CUL4A: variants seen among roughly 807,000 people sequenced by gnomAD.
CUL4A encodes the protein cullin 4A.
CUL4A carries 16 observed loss-of-function variants against 95.5 expected under a neutral mutation model. That is an observed-to-expected ratio of 0.17 (90% CI 0.11 to 0.25). CUL4A has a LOEUF of 0.25. CUL4A is among the 10% of genes least tolerant of loss of function. The pLI is 1.00. For synonymous variants in CUL4A, 380 were observed against 353.1 expected (o/e 1.08, Z -0.85); for missense variants, 610 against 937.0 (o/e 0.65, Z 4.56).
intron 5 of CUL4A, chr13:113,229,944 C>G (rs924014140): frequency 5.1e-6 from 2 of 395,860 alleles, no homozygotes; most frequent in Admixed American, 4.3e-5. Context: ...GAGCACATAG[C>G]ACTCATCGTC....
Position 113,209,636 on chromosome 13 carries a change from C to T in CUL4A, c.9C>T (p.Asp3=), listed in dbSNP as rs1381335388. Reference sequence around the variant, plus strand: ...GCGGTTCCGGCCCAGCCATGGCGGACGAGGCCCCGCGGAAGGGCAGCTTCT... The same window carrying T: ...GCGGTTCCGGCCCAGCCATGGCGGATGAGGCCCCGCGGAAGGGCAGCTTCT... The part of the protein sequence containing the change: MA[D]EAPRKGSFSA... The change falls in exon 1 of 20, where the codon GAC becomes GAT. Residue 3 remains aspartate (D), a synonymous_variant. Coordinates refer to ENST00000375440, the MANE Select transcript of CUL4A (RefSeq NM_001008895.4). The T allele has an allele frequency of 5.3e-5, 58 of 1,088,428 alleles. 1 individual carries two copies. The highest frequency in any genetic ancestry group is 6.3e-5 in the Non-Finnish European group (57 of 898,174). 67.4% of individuals were successfully genotyped at this position (1,088,428 alleles called of 1,614,324 possible).
rs761690889 is a variant in CUL4A, at chr13:113,210,080, C to G, written c.256C>G (p.Leu86Val). 1.2e-5 allele frequency: 18 copies of G among 1,504,594 alleles called. No homozygotes were observed. The highest frequency in any genetic ancestry group is 1.1e-4 in the Admixed American group (5 of 44,770). 93.2% of individuals were successfully genotyped at this position (1,504,594 alleles called of 1,614,324 possible). ...CTCCATCAGGTACAACCTCGAGGAG[C>G]TCTACCAGGTGAGGCGGCGGCCGGG... ...STSIRYNLEE[L>V]YQAVENLCSH... is the part of the protein sequence containing the mutation. The change falls in exon 2 of 20, where the codon CTC becomes GTC. Residue 86 changes from leucine (L) to valine (V), a missense_variant. Leu to Val is a conservative substitution (Grantham distance 32). Transcript: ENST00000375440.
At chr13:113,242,216 G>C (rs959616881) in intron 10 of CUL4A, among the ~76,000 whole-genome samples, 1 of 151,338 alleles carries the variant, frequency 6.6e-6, no homozygotes, top group African/African-American at 2.4e-5. Context: ...AGTGAGCCGA[G>C]ATCACGCCAC....
intron 15 of CUL4A, among the ~76,000 whole-genome samples, chr13:113,252,581 C>T (rs963635272): frequency 6.6e-6 from 1 of 152,200 alleles, no homozygotes; most frequent in Non-Finnish European, 1.5e-5. Flanking sequence ...ACAACTAACT[C>T]GTGCTGCACT....
intron 5 of CUL4A, among the ~76,000 whole-genome samples, chr13:113,232,655 G>C (rs1171706680): frequency 6.6e-6 from 1 of 152,186 alleles, no homozygotes; most frequent in Non-Finnish European, 1.5e-5. Flanking sequence ...GATGAACTCT[G>C]AAAGCTGTGC....
chr13:113,242,985 C>T lies in CUL4A; in HGVS notation c.1053C>T (p.Ile351=), dbSNP rs146783617. 9.5e-5 allele frequency: 152 copies of T among 1,606,742 alleles called. No homozygotes were observed. The African/African-American group carries it at 1.7e-3, about 18-fold the overall frequency. Residue 351 remains isoleucine (I), a synonymous_variant, in exon 11 of 20, where the codon ATC becomes ATT. Transcript: ENST00000375440. ...TTTTGTAGACTTTTGGAACAGCGAT[C>T]GTAATCAATCCTGAGAAAGACAAAG... ...SEYIKTFGTA[I]VINPEKDKDM... is the part of the protein sequence containing the mutation.
At position 113,263,506 on chromosome 13, in the gene CUL4A, G is replaced by A; in HGVS notation, c.2204G>A (p.Arg735Lys). The change falls in exon 20 of 20, where the codon AGA becomes AAA. Residue 735 changes from arginine to lysine, a missense_variant. Physicochemically the swap from Arg to Lys is conservative, Grantham distance 26. This residue lies in a region of CUL4A where 31 missense variants were observed against 40.3 expected (regional missense o/e 0.77). Coordinates refer to ENST00000375440, the MANE Select transcript of CUL4A (RefSeq NM_001008895.4). Reference protein sequence around the residue: ...FPVKPGDLKKRIESLIDRDYM... With the variant: ...FPVKPGDLKKKIESLIDRDYM... ...TTTTAGCCTGGAGATTTGAAAAAGAGAATTGAATCTCTGATAGACAGAGAC... is the reference window on the plus strand; with the variant it reads ...TTTTAGCCTGGAGATTTGAAAAAGAAAATTGAATCTCTGATAGACAGAGAC... 1 of 1,603,506 alleles carries A rather than the reference G, an allele frequency of 6.2e-7. No homozygotes were observed. Among genetic ancestry groups the A allele is most frequent in the Non-Finnish European group, 8.5e-7 (1 of 1,175,672 alleles).
intron 3 of CUL4A, 66 bp from the exon 4 acceptor site, chr13:113,227,907 CAAA>C (rs34413442): frequency 1.5e-3 from 1,179 of 784,916 alleles, no homozygotes; most frequent in South Asian, 2.5e-3. Flanking sequence ...GACTCCATCT[CAAA>C]AAAAAAAAAA....
intron 18 of CUL4A, among the ~76,000 whole-genome samples, chr13:113,256,386 AT>A (rs1426258486): frequency 6.6e-6 from 1 of 152,056 alleles, no homozygotes; most frequent in African/African-American, 2.4e-5. Context: ...TGGCACAGAC[AT>A]TTCTGTGCAC....
At chr13:113,249,963 A>G (rs1359798421) in intron 15 of CUL4A, among the ~76,000 whole-genome samples, 2 of 152,172 alleles carry the variant, frequency 1.3e-5, no homozygotes, top group Non-Finnish European at 2.9e-5. Flanking sequence ...TTATTAAGCT[A>G]TAAGAGCTCT....
chr13:113,258,147 G>A (rs982813995), intron 18 of CUL4A, among the ~76,000 whole-genome samples: 1 of 151,972 alleles, frequency 6.6e-6, no homozygotes, highest in African/African-American at 2.4e-5. Context: ...ATGCCACCAC[G>A]CCCAGCTAAA....
rs1199142782 is a variant in CUL4A at position 113,249,740 on chromosome 13, C to G, written c.1639-3342C>G. Reference sequence around the variant, plus strand: ...CCAGTTAGCAATCACGAGAGCTTCCCACCTTCTCACCTACACCTGTGATCT... The same window carrying G: ...CCAGTTAGCAATCACGAGAGCTTCCGACCTTCTCACCTACACCTGTGATCT... On this transcript the variant is annotated intron_variant, in intron 15 of 19. Transcript: ENST00000375440. Among the ~76,000 whole-genome samples the G allele has an allele frequency of 3.9e-5, 6 of 152,288 alleles. No individual in the cohort carries two copies. In the South Asian group the frequency reaches 1.0e-3, roughly 26 times the overall value.
At chr13:113,254,902 G>A in intron 17 of CUL4A, 51 bp from the exon 18 acceptor site, 1 of 1,603,158 alleles carries the variant, frequency 6.2e-7, no homozygotes, top group Non-Finnish European at 8.5e-7. Flanking sequence ...TACTGTTGTT[G>A]AGTCTCATTC....
At chr13:113,243,669 A>G (rs966010210) in intron 11 of CUL4A, among the ~76,000 whole-genome samples, 1 of 151,960 alleles carries the variant, frequency 6.6e-6, no homozygotes, top group African/African-American at 2.4e-5. Flanking sequence ...ATTACTGCTG[A>G]AGATGTAAGA....
chr13:113,220,796 G>A (rs1201684836), intron 3 of CUL4A, among the ~76,000 whole-genome samples: 1 of 152,156 alleles, frequency 6.6e-6, no homozygotes, highest in Non-Finnish European at 1.5e-5. Context: ...CACTGGCACC[G>A]CAAAATGGAA....
At chr13:113,241,299 G>A (rs2041702604) in intron 10 of CUL4A, among the ~76,000 whole-genome samples, 1 of 152,152 alleles carries the variant, frequency 6.6e-6, no homozygotes, top group South Asian at 2.1e-4. Context: ...ACCCCTGAGT[G>A]TCAGCAATAA....
At chr13:113,239,214 A>G (rs2041634007) in intron 9 of CUL4A, among the ~76,000 whole-genome samples, 1 of 152,184 alleles carries the variant, frequency 6.6e-6, no homozygotes, top group East Asian at 1.9e-4. Flanking sequence ...GAAGTAAATA[A>G]TACATCTTCC....
chr13:113,250,642 G>A (rs1400496315), intron 15 of CUL4A, among the ~76,000 whole-genome samples: 2 of 152,058 alleles, frequency 1.3e-5, no homozygotes, highest in Non-Finnish European at 2.9e-5. Flanking sequence ...GAATCCCAAG[G>A]AGATGGTTTT....
chr13:113,250,144 C>T (rs2041957185), intron 15 of CUL4A, among the ~76,000 whole-genome samples: 2 of 152,044 alleles, frequency 1.3e-5, no homozygotes, highest in Non-Finnish European at 2.9e-5. Context: ...GTCTGAGAAA[C>T]CATTGCCAAA....
Sources: allele counts gnomAD v4.1 joint callset (sites outside exome capture counted in the v4.1 genomes callset), GRCh38; gene constraint gnomAD v4.1.1; regional missense constraint gnomAD v4.1.1; transcripts MANE v1.5; gene names NCBI Gene and HGNC (gene_info 2026-07-23, HGNC 2026-07-21).